Variants in RHBDF2 observed in about 807,000 individuals in gnomAD.
The protein encoded by RHBDF2 is inactive rhomboid protein 2.
Under a neutral mutation model 95.2 loss-of-function variants are expected in RHBDF2, and 38 were observed. That is an observed-to-expected ratio of 0.40 (90% CI 0.31 to 0.52). The LOEUF (loss-of-function observed/expected upper bound fraction) is 0.52. RHBDF2 is among the 20% of genes least tolerant of loss of function. RHBDF2 has a pLI of 0.56. For synonymous variants in RHBDF2, 442 were observed against 462.0 expected (o/e 0.96, Z 0.55); for missense variants, 863 against 1,137.7 (o/e 0.76, Z 3.47).
chr17:76,472,315 C>T (rs1312466976), intron 18 of RHBDF2: 9 of 595,370 alleles, frequency 1.5e-5, no homozygotes, highest in South Asian at 7.9e-5. Context: ...TGTTCCAGGC[C>T]GCACACGGTG....
At chr17:76,491,780 T>C (rs2074308620) in intron 1 of RHBDF2, among the ~76,000 whole-genome samples, 1 of 152,126 alleles carries the variant, frequency 6.6e-6, no homozygotes, top group South Asian at 2.1e-4. Context: ...TCCTTGGGGC[T>C]CAGCGGGGAA....
chr17:76,481,665 C>T, intron 2 of RHBDF2, 120 bp from the exon 3 acceptor site: 1 of 931,866 alleles, frequency 1.1e-6, no homozygotes, highest in Non-Finnish European at 1.6e-6. Context: ...GTTCAAACAT[C>T]TCTGGGCGGC....
chr17:76,486,255 G>A (rs930744851), intron 2 of RHBDF2, among the ~76,000 whole-genome samples: 10 of 152,102 alleles, frequency 6.6e-5, no homozygotes, highest in Admixed American at 6.5e-5. Flanking sequence ...GACTACAGGC[G>A]CAAGCCACCA....
chr17:76,477,616 C>A (rs201344867), intron 7 of RHBDF2, 41 bp downstream of exon 7: 182 of 1,604,584 alleles, frequency 1.1e-4, no homozygotes, highest in Middle Eastern at 1.7e-4. Flanking sequence ...AGCTCCCAGG[C>A]CACCCCACCC....
At chr17:76,483,012 T>C (rs1362894387) in intron 2 of RHBDF2, among the ~76,000 whole-genome samples, 7 of 151,894 alleles carry the variant, frequency 4.6e-5, no homozygotes. Flanking sequence ...TCTACTAAAA[T>C]ACAAAAATTA....
chr17:76,474,189 C>T (rs373876766), intron 12 of RHBDF2, 47 bp from the exon 13 acceptor site: 167 of 1,429,226 alleles, frequency 1.2e-4, no homozygotes, highest in Non-Finnish European at 1.5e-4. Context: ...GCCAGGTCAC[C>T]CCCACTGGAG....
chr17:76,472,835 C>A lies in RHBDF2; in HGVS notation c.1915G>T (p.Val639Leu). The A allele has an allele frequency of 6.3e-7, 1 of 1,589,902 alleles. No homozygotes were observed. The highest frequency in any genetic ancestry group is 8.6e-7 in the Non-Finnish European group (1 of 1,167,856). Residue 639 changes from valine (V) to leucine (L), a missense_variant, in exon 18 of 19, where the codon GTG becomes TTG. By Grantham distance (32) the Val-to-Leu change is conservative (BLOSUM62 1). This residue lies in a region of RHBDF2 where 252 missense variants were observed against 412.2 expected (regional missense o/e 0.61). Transcript: ENST00000675367. ...WLSLFLHAGV[V>L]HCLVSVVFQM... is the part of the protein sequence containing the mutation. ...AAGACCACAGACACGAGGCAGTGCA[C>A]CACGCTGGGGGAGGGACACACCAGG...
chr17:76,479,092 T>C lies in RHBDF2; in HGVS notation c.458A>G (p.Lys153Arg), dbSNP rs142752208. The change falls in exon 5 of 19, where the codon AAG (lysine) becomes AGG (arginine). Residue 153 changes from lysine (K) to arginine (R), a missense_variant. Physicochemically the swap from Lys to Arg is conservative, Grantham distance 26. Transcript: ENST00000675367. ...CCCCATGGATCCCACCTTGGGCATC[T>C]TGCAGGGCTTTGGGGACTCAGTGCC... ...FQGTESPKPC[K>R]MPKIVDPLAR... 5 of 1,613,570 alleles carry C rather than the reference T, an allele frequency of 3.1e-6. No individual in the cohort carries two copies. Among genetic ancestry groups the C allele is most frequent in the East Asian group, 2.2e-5 (1 of 44,880 alleles).
intron 1 of RHBDF2, among the ~76,000 whole-genome samples, chr17:76,497,030 G>T (rs1485724207): frequency 6.6e-6 from 1 of 152,160 alleles, no homozygotes; most frequent in African/African-American, 2.4e-5. Context: ...CAAAGTGCTG[G>T]GATTACAGGC....
At chr17:76,483,526 C>A (rs1024270079) in intron 2 of RHBDF2, among the ~76,000 whole-genome samples, 1 of 152,172 alleles carries the variant, frequency 6.6e-6, no homozygotes, top group Non-Finnish European at 1.5e-5. Context: ...CTCAGGTGAT[C>A]CACCTGCCTC....
intron 1 of RHBDF2, among the ~76,000 whole-genome samples, chr17:76,493,749 C>T (rs12940490): frequency 0.11 from 16,312 of 152,262 alleles, 1,139 homozygotes; most frequent in South Asian, 0.37. Flanking sequence ...CAACCCACTC[C>T]GCCGGTACAC....
chr17:76,498,374 C>T (rs1047259667), intron 1 of RHBDF2, among the ~76,000 whole-genome samples: 2 of 152,198 alleles, frequency 1.3e-5, no homozygotes, highest in African/African-American at 4.8e-5. Context: ...GGGGCAGCGC[C>T]GAGGCCTGCT....
chr17:76,490,103 A>G (rs551432869), intron 1 of RHBDF2, among the ~76,000 whole-genome samples: 24 of 152,328 alleles, frequency 1.6e-4, no homozygotes, highest in Non-Finnish European at 2.9e-4. Flanking sequence ...CACGCTCCCC[A>G]TTGATTCCAC....
chr17:76,486,091 C>T (rs1236780856), intron 2 of RHBDF2, among the ~76,000 whole-genome samples: 1 of 106,820 alleles, frequency 9.4e-6, no homozygotes, highest in East Asian at 2.2e-4. Flanking sequence ...CACACACACA[C>T]ACACACACAC....
chr17:76,477,098 G>A (rs1247166872), intron 8 of RHBDF2, 74 bp from the exon 9 acceptor site: 19 of 1,610,474 alleles, frequency 1.2e-5, no homozygotes, highest in African/African-American at 4.0e-5. Flanking sequence ...TGCTCAGAAG[G>A]GGCTTGGGGG....
chr17:76,496,352 C>T (rs1326398251), intron 1 of RHBDF2, among the ~76,000 whole-genome samples: 2 of 152,198 alleles, frequency 1.3e-5, no homozygotes, highest in East Asian at 1.9e-4. Context: ...GATGAAGTCA[C>T]CTGTCCAAGG....
chr17:76,486,777 G>A (rs2074141511), intron 2 of RHBDF2, among the ~76,000 whole-genome samples: 1 of 137,120 alleles, frequency 7.3e-6, no homozygotes, highest in Admixed American at 7.3e-5. Flanking sequence ...CGACTGGTGT[G>A]TGAATTCTCT....
chr17:76,482,628 C>A lies in RHBDF2; in HGVS notation c.-21-1083G>T, dbSNP rs372496608. ...GTCTCTACTAAAAATACAAAATTAGCCAGGTGTGGTGGCGCATGCCTATAA... is the reference window on the plus strand; with the variant it reads ...GTCTCTACTAAAAATACAAAATTAGACAGGTGTGGTGGCGCATGCCTATAA... On this transcript the variant is annotated intron_variant, in intron 2 of 18. Coordinates refer to ENST00000675367, the MANE Select transcript of RHBDF2 (RefSeq NM_001005498.4). Among the ~76,000 whole-genome samples the A allele has an allele frequency of 1.6e-4, 25 of 152,208 alleles. No homozygotes were observed. The East Asian group carries it at 4.7e-3, about 28-fold the overall frequency.
Position 76,472,751 on chromosome 17 carries a change from T to A in RHBDF2, c.1999A>T (p.Ile667Phe). The change falls in exon 18 of 19, where the codon ATC (isoleucine) becomes TTC (phenylalanine). Residue 667 changes from isoleucine to phenylalanine, a missense_variant. Physicochemically the swap from Ile to Phe is conservative, Grantham distance 21. This residue lies in a region of RHBDF2 where 252 missense variants were observed against 412.2 expected (regional missense o/e 0.61). Transcript: ENST00000675367. ...CCTGTGATGCCACTGAGGATGAAGA[T>A]GATGGCGATACGGTGCCAGCCGGCC... ...KLAGWHRIAIIFILSGITGNL... is the reference protein window; with the variant it reads ...KLAGWHRIAIFFILSGITGNL... 6.2e-7 allele frequency: 1 copy of A among 1,613,898 alleles called. No homozygotes were observed. The highest frequency in any genetic ancestry group is 8.5e-7 in the Non-Finnish European group (1 of 1,179,940).
Sources: allele counts gnomAD v4.1 joint callset (sites outside exome capture counted in the v4.1 genomes callset), GRCh38; gene constraint gnomAD v4.1.1; regional missense constraint gnomAD v4.1.1; transcripts MANE v1.5; gene names NCBI Gene and HGNC (gene_info 2026-07-23, HGNC 2026-07-21).